The following TPM1 variants were observed in gnomAD, a reference collection of about 807,000 sequenced individuals.
The protein encoded by TPM1 is tropomyosin alpha-1 chain.
TPM1 carries 24 observed loss-of-function variants against 42.9 expected under a neutral mutation model. That is an observed-to-expected ratio of 0.56 (90% CI 0.41 to 0.79). The LOEUF (loss-of-function observed/expected upper bound fraction) is 0.79, where lower values mean the gene tolerates loss of function less well. Ranked by LOEUF, TPM1 falls within the 30% of genes least tolerant of loss-of-function variation. The pLI is 0.00. For missense variants in TPM1, 158 were observed against 351.8 expected (o/e 0.45, Z 4.41); for synonymous variants, 136 against 130.1 (o/e 1.05, Z -0.31).
chr15:63,067,297 T>C (rs1239128384), downstream of TPM1, among the ~76,000 whole-genome samples: 1 of 152,240 alleles, frequency 6.6e-6, no homozygotes, highest in East Asian at 1.9e-4. Flanking sequence ...ATTTTAGTCA[T>C]AGTATGGTGG....
chr15:63,043,075 G>C (rs909297445), intron 1 of TPM1, 132 bp downstream of exon 1: 1 of 769,776 alleles, frequency 1.3e-6, no homozygotes, highest in African/African-American at 1.7e-5. Context: ...GGCGGCCAGG[G>C]CGCGCGTCTG....
At chr15:63,051,602 G>A (rs1474393993) in intron 2 of TPM1, among the ~76,000 whole-genome samples, 1 of 151,946 alleles carries the variant, frequency 6.6e-6, no homozygotes, top group Admixed American at 6.6e-5. Flanking sequence ...TGGTCACTTG[G>A]CCTTACACAG....
At chr15:63,061,351 T>C in intron 5 of TPM1, 1 of 1,384,484 alleles carries the variant, frequency 7.2e-7, no homozygotes, top group Non-Finnish European at 1.0e-6. Flanking sequence ...CTGGTTCGTT[T>C]GGTATAACGA....
Position 63,064,840 on chromosome 15 carries a change from G to A in TPM1, c.851+698G>A, listed in dbSNP as rs540070143. 7 of 488,524 alleles carry A rather than the reference G, an allele frequency of 1.4e-5. No individual in the cohort carries two copies. In the South Asian group the frequency reaches 5.3e-4, roughly 37 times the overall value. The allele number at this position is 488,524 out of a possible 1,614,324, so 30.3% of individuals were successfully genotyped here. A position where few individuals can be genotyped will look rare whatever the true frequency, so the allele number is the denominator to read the frequency against. On this transcript the variant is annotated intron_variant, in intron 9 of 9. Coordinates refer to ENST00000403994, the MANE Select transcript of TPM1 (RefSeq NM_001018005.2). Reference sequence around the variant, plus strand: ...AAATTAGCCGGGCGTGGTGGTGGATGCCTGTAGTCCCAGCTACTCAGGAGG... The same window carrying A: ...AAATTAGCCGGGCGTGGTGGTGGATACCTGTAGTCCCAGCTACTCAGGAGG...
At chr15:63,061,912 GGA>G (rs1230069577) in intron 6 of TPM1, 124 bp downstream of exon 6, 16 of 873,838 alleles carry the variant, frequency 1.8e-5, no homozygotes, top group Non-Finnish European at 2.8e-5. Context: ...GGTGATTTTT[GGA>G]GAGTTACTAG....
At chr15:63,048,611 G>C in intron 2 of TPM1, 1 of 1,534,202 alleles carries the variant, frequency 6.5e-7, no homozygotes. Context: ...CGGTGCGCAG[G>C]AAGATCCGGA....
At chr15:63,046,183 C>G (rs1350637114) in intron 2 of TPM1, 2 of 152,182 alleles carry the variant, frequency 1.3e-5, no homozygotes, top group Non-Finnish European at 2.9e-5. Flanking sequence ...AATTGTAACA[C>G]AAATCACCAG....
At chr15:63,047,017 G>C (rs1409272982) in intron 2 of TPM1, 7 of 152,290 alleles carry the variant, frequency 4.6e-5, no homozygotes, top group African/African-American at 1.7e-4. Context: ...GCTGCTTATG[G>C]CACTTGCCAG....
Position 63,062,262 on chromosome 15 carries a change from C to T in TPM1, c.687C>T (p.Ser229=), listed in dbSNP as rs759362606. 17 of 1,614,038 alleles carry T rather than the reference C, an allele frequency of 1.1e-5. No homozygotes were observed. Among genetic ancestry groups the T allele is most frequent in the Admixed American group, 8.3e-5 (5 of 60,010 alleles). ...ATGAGGAAGAGATCAAGGTCCTTTCCGACAAGCTGAAGGAGGTAATATGAG... is the reference window on the plus strand; with the variant it reads ...ATGAGGAAGAGATCAAGGTCCTTTCTGACAAGCTGAAGGAGGTAATATGAG... ...DRYEEEIKVL[S]DKLKEAETRA... is the part of the protein sequence containing the mutation. Residue 229 remains serine (S), a synonymous_variant, in exon 7 of 10, where the codon TCC becomes TCT. Transcript: ENST00000403994.
Position 63,044,043 on chromosome 15 carries a change from T to C in TPM1, c.131T>C (p.Val44Ala). 6.2e-7 allele frequency: 1 copy of C among 1,613,618 alleles called. No homozygotes were observed. Among genetic ancestry groups the C allele is most frequent in the Non-Finnish European group, 8.5e-7 (1 of 1,179,884 alleles). ...DRSKQLEDEL[V>A]SLQKKLKGTE... ...AACTCCCAGCTGGAAGATGAGCTGG[T>C]GTCACTGCAAAAGAAACTCAAGGGC... Residue 44 changes from valine (V) to alanine (A), a missense_variant, in exon 2 of 10, where the codon GTG becomes GCG. Transcript: ENST00000403994.
At chr15:63,056,779 A>G (rs1361234265) in intron 2 of TPM1, 4 of 667,534 alleles carry the variant, frequency 6.0e-6, no homozygotes, top group Non-Finnish European at 1.1e-5. Flanking sequence ...ATTTGTGTAT[A>G]CACAAATATG....
downstream of TPM1, chr15:63,070,828 C>T (rs747847709): frequency 3.5e-5 from 44 of 1,268,476 alleles, no homozygotes; most frequent in African/African-American, 6.1e-5. Flanking sequence ...CCAAACCCCA[C>T]GTGCATTTTA....
In TPM1 at chr15:63,064,818, T is replaced by G. The variant is rs1430243728; in HGVS notation, c.851+676T>G. 7.3e-6 allele frequency: 4 copies of G among 549,500 alleles called. No homozygotes were observed. In the East Asian group the frequency reaches 4.4e-4, roughly 60 times the overall value. The allele number at this position is 549,500 out of a possible 1,614,324, so 34.0% of individuals were successfully genotyped here. A position where few individuals can be genotyped will look rare whatever the true frequency, so the allele number is the denominator to read the frequency against. Reference sequence around the variant, plus strand: ...GTCTCTACTAAAAATACAAAAAAAATTAGCCGGGCGTGGTGGTGGATGCCT... The same window carrying G: ...GTCTCTACTAAAAATACAAAAAAAAGTAGCCGGGCGTGGTGGTGGATGCCT... On this transcript the variant is annotated intron_variant, in intron 9 of 9. Transcript: ENST00000403994.
At chr15:63,057,949 CTG>C (rs1420463530) in intron 3 of TPM1, among the ~76,000 whole-genome samples, 1 of 152,186 alleles carries the variant, frequency 6.6e-6, no homozygotes, top group Non-Finnish European at 1.5e-5. Context: ...TCTGTCTGTG[CTG>C]TGACCTGGGC....
chr15:63,053,397 G>A (rs1187392041), intron 2 of TPM1, among the ~76,000 whole-genome samples: 1 of 152,118 alleles, frequency 6.6e-6, no homozygotes, highest in Non-Finnish European at 1.5e-5. Context: ...GATGTTCCGG[G>A]AAGCCAGGAG....
intron 2 of TPM1, 161 bp from the exon 3 acceptor site, chr15:63,056,824 C>A: frequency 1.1e-6 from 1 of 886,580 alleles, no homozygotes; most frequent in Non-Finnish European, 1.9e-6. Flanking sequence ...GTAAATGTGT[C>A]CGAGAACTCC....
Position 63,062,606 on chromosome 15 carries a change from T to A in TPM1, c.733T>A (p.Ser245Thr). 1 of 1,614,144 alleles carries A rather than the reference T, an allele frequency of 6.2e-7. No homozygotes were observed. Among genetic ancestry groups the A allele is most frequent in the Non-Finnish European group, 8.5e-7 (1 of 1,180,036 alleles). The change falls in exon 8 of 10, where the codon TCA becomes ACA. Residue 245 changes from serine to threonine, a missense_variant. Ser to Thr is a moderately conservative substitution (Grantham distance 58, BLOSUM62 1). This residue lies in a region of TPM1 where 64 missense variants were observed against 95.8 expected (regional missense o/e 0.67). Transcript: ENST00000403994. ...AETRAEFAERSVTKLEKSIDD... is the reference protein window; with the variant it reads ...AETRAEFAERTVTKLEKSIDD... ...GACTCGGGCTGAGTTTGCGGAGAGG[T>A]CAGTAACTAAATTGGAGAAAAGCAT...
rs1296826277 is a variant in TPM1 at position 63,046,328 on chromosome 15, T to G, written c.240+2176T>G. 6.6e-5 allele frequency: 10 copies of G among 152,182 alleles called. No homozygotes were observed. In the East Asian group the frequency reaches 1.9e-3, roughly 29 times the overall value. 9.4% of individuals were successfully genotyped at this position (152,182 alleles called of 1,614,324 possible). ...TCGTTTTTTATTTACTAAAAAATAG[T>G]CAAAACTTGAGGAGGAAGAGACAGA... On this transcript the variant is annotated intron_variant, in intron 2 of 9. Coordinates refer to ENST00000403994, the MANE Select transcript of TPM1 (RefSeq NM_001018005.2).
intron 5 of TPM1, 132 bp from the exon 6 acceptor site, chr15:63,061,581 A>T: frequency 3.4e-6 from 3 of 894,942 alleles, no homozygotes; most frequent in Non-Finnish European, 5.6e-6. Flanking sequence ...TTAATACCTG[A>T]TGATTTGGCT....
Sources: allele counts gnomAD v4.1 joint callset (sites outside exome capture counted in the v4.1 genomes callset), GRCh38; gene constraint gnomAD v4.1.1; regional missense constraint gnomAD v4.1.1; transcripts MANE v1.5; gene names NCBI Gene and HGNC (gene_info 2026-07-23, HGNC 2026-07-21).